The following IL10RB variants were observed in gnomAD, a reference collection of about 807,000 sequenced individuals.
IL10RB encodes the protein interleukin-10 receptor subunit beta.
A neutral mutation model predicts 38.7 loss-of-function variants in IL10RB; 30 were observed. The observed-to-expected ratio is 0.78, with a 90% CI of 0.58 to 1.05. IL10RB has a LOEUF of 1.05. Ranked by LOEUF, IL10RB falls within the 50% of genes least tolerant of loss-of-function variation. The pLI is 0.00. For synonymous variants in IL10RB, 142 were observed against 145.9 expected (o/e 0.97, Z 0.19); for missense variants, 328 against 397.1 (o/e 0.83, Z 1.48).
intron 2 of IL10RB, 70 bp downstream of exon 2, chr21:33,268,587 C>A: frequency 1.8e-6 from 2 of 1,093,152 alleles, no homozygotes; most frequent in Non-Finnish European, 2.8e-6. Flanking sequence ...CTGGGTTGGG[C>A]CACAGGAGGA....
chr21:33,300,656 G>A (rs2834175), downstream of IL10RB, among the ~76,000 whole-genome samples: 33,265 of 152,050 alleles, frequency 0.22, 4,056 homozygotes, highest in Non-Finnish European at 0.27. Context: ...TCCAAAATTC[G>A]TATGTAGAAA....
intron 6 of IL10RB, chr21:33,294,200 G>A: frequency 2.8e-6 from 1 of 353,938 alleles, no homozygotes. Context: ...AGCAGTTCGA[G>A]GTCCTCACAT....
At chr21:33,305,319 A>G (rs1490390589) in intron 1 of IL10RB, among the ~76,000 whole-genome samples, 1 of 151,934 alleles carries the variant, frequency 6.6e-6, no homozygotes, top group Admixed American at 6.6e-5. Context: ...CATGTTGCCC[A>G]GGTAGGTCTC....
intron 4 of IL10RB, among the ~76,000 whole-genome samples, chr21:33,282,096 C>G (rs1183442122): frequency 6.7e-6 from 1 of 149,210 alleles, no homozygotes; most frequent in Non-Finnish European, 1.5e-5. Context: ...TGCTTTTGGT[C>G]TTTTAATTTA....
chr21:33,306,631 C>A (rs1488589079), intron 1 of IL10RB, among the ~76,000 whole-genome samples: 1 of 152,032 alleles, frequency 6.6e-6, no homozygotes, highest in Admixed American at 6.5e-5. Context: ...CCCACTGGGA[C>A]CCAGCGGTCC....
intron 1 of IL10RB, 31 bp downstream of exon 1, chr21:33,266,545 G>A: frequency 6.5e-7 from 1 of 1,538,728 alleles, no homozygotes; most frequent in Non-Finnish European, 8.7e-7. Context: ...GGGCGCGCTT[G>A]GGAACCGGGA....
chr21:33,301,085 C>T (rs1376335830), downstream of IL10RB, among the ~76,000 whole-genome samples: 2 of 152,224 alleles, frequency 1.3e-5, no homozygotes, highest in African/African-American at 4.8e-5. Context: ...TTACTCTTCT[C>T]AGCAAGGGAG....
At position 33,283,235 on chromosome 21, in the gene IL10RB, C is replaced by T. The variant is rs748361469; in HGVS notation, c.640C>T (p.His214Tyr). Reference protein sequence around the residue: ...WSEPVCEQTTHDETVPSWMVA... With the variant: ...WSEPVCEQTTYDETVPSWMVA... Reference sequence around the variant, plus strand: ...TGAGCCTGTCTGTGAGCAAACAACCCATGACGGTAAGCCCTGAGATGCACC... The same window carrying T: ...TGAGCCTGTCTGTGAGCAAACAACCTATGACGGTAAGCCCTGAGATGCACC... Residue 214 changes from histidine to tyrosine, a missense_variant, in exon 5 of 7, where the codon CAT becomes TAT. By Grantham distance (83) the His-to-Tyr change is moderately conservative (BLOSUM62 2). Coordinates refer to ENST00000290200, the MANE Select transcript of IL10RB (RefSeq NM_000628.5). The T allele has an allele frequency of 6.2e-7, 1 of 1,613,722 alleles. No individual in the cohort carries two copies. Among genetic ancestry groups the T allele is most frequent in the Non-Finnish European group, 8.5e-7 (1 of 1,179,998 alleles).
At chr21:33,281,744 C>T (rs2850000) in intron 4 of IL10RB, among the ~76,000 whole-genome samples, 71,961 of 151,996 alleles carry the variant, frequency 0.47, 17,641 homozygotes, top group African/African-American at 0.59. Flanking sequence ...CACCACACCC[C>T]GCTAATTTTT....
chr21:33,289,072 C>T (rs1037003759), intron 6 of IL10RB, among the ~76,000 whole-genome samples: 1 of 152,206 alleles, frequency 6.6e-6, no homozygotes, highest in Non-Finnish European at 1.5e-5. Context: ...TGTGGCCTCT[C>T]GAGCTGGGGT....
rs530462113 is a variant in IL10RB, at chr21:33,281,161, C to A, written c.498+1243C>A. 2.6e-5 allele frequency among the ~76,000 whole-genome samples: 4 copies of A among 152,334 alleles called. No homozygotes were observed. The South Asian group carries it at 8.3e-4, about 32-fold the overall frequency. ...ATGGCATTCAGGAAGGCTCTGCCCT[C>A]ATTATTTAATCACTTCTGAAAACCT... On this transcript the variant is annotated intron_variant, in intron 4 of 6. Coordinates refer to ENST00000290200, the MANE Select transcript of IL10RB (RefSeq NM_000628.5).
chr21:33,300,250 G>T (rs1028595298), downstream of IL10RB, among the ~76,000 whole-genome samples: 2 of 152,104 alleles, frequency 1.3e-5, no homozygotes, highest in African/African-American at 4.8e-5. Flanking sequence ...GACCAGCCTG[G>T]TTAACATGGT....
Position 33,279,903 on chromosome 21 carries a change from C to T in IL10RB, c.483C>T (p.Asn161=), listed in dbSNP as rs61735776. Residue 161 remains asparagine (N), a synonymous_variant, in exon 4 of 7, where the codon AAC becomes AAT. Transcript: ENST00000290200. Reference sequence around the variant, plus strand: ...CTTATAATGTGCAATACTGGAAAAACGGTACTGATGAAAAGGTAAGGTTGG... The same window carrying T: ...CTTATAATGTGCAATACTGGAAAAATGGTACTGATGAAAAGGTAAGGTTGG... ...SWTYNVQYWK[N]GTDEKFQITP... 1.2e-4 allele frequency: 189 copies of T among 1,613,592 alleles called. 2 individuals carry two copies. Among genetic ancestry groups the T allele is most frequent in the Middle Eastern group, 8.3e-4 (5 of 6,058 alleles).
At chr21:33,268,651 C>G (rs895689370) in intron 2 of IL10RB, 134 bp downstream of exon 2, 1 of 746,078 alleles carries the variant, frequency 1.3e-6, no homozygotes, top group Non-Finnish European at 2.5e-6. Context: ...GGGAGCCTCC[C>G]TGCCAGCCTT....
At chr21:33,308,937 T>G (rs539624744) in intron 1 of IL10RB, 1 of 152,368 alleles carries the variant, frequency 6.6e-6, no homozygotes, top group South Asian at 2.1e-4. Context: ...GTACAAAATT[T>G]GCAGTTTTCT....
Position 33,296,380 on chromosome 21 carries a change from G to A in IL10RB, c.*23G>A, listed in dbSNP as rs769497995. On this transcript the variant is annotated 3_prime_UTR_variant, in exon 7 of 7. Transcript: ENST00000290200. The stretch of plus-strand genomic sequence containing the variant: ...TAGGCTCTGAGAAGGAAACACACTC[G>A]GCTGGGCACAGTGACGTACTCCATC... 14 of 1,609,206 alleles carry A rather than the reference G, an allele frequency of 8.7e-6. No homozygotes were observed. In the East Asian group the frequency reaches 2.0e-4, roughly 23 times the overall value.
chr21:33,280,712 G>A (rs898564228), intron 4 of IL10RB, among the ~76,000 whole-genome samples: 2 of 152,134 alleles, frequency 1.3e-5, no homozygotes, highest in African/African-American at 2.4e-5. Context: ...TATATGTTAT[G>A]TATGTCATAT....
intron 2 of IL10RB, among the ~76,000 whole-genome samples, chr21:33,275,320 T>C (rs1360874259): frequency 6.6e-6 from 1 of 152,142 alleles, no homozygotes; most frequent in Non-Finnish European, 1.5e-5. Context: ...CATGCCCGGC[T>C]AATTTTTTTG....
chr21:33,307,237 T>C (rs1338379342), intron 1 of IL10RB, among the ~76,000 whole-genome samples: 1 of 152,202 alleles, frequency 6.6e-6, no homozygotes, highest in Non-Finnish European at 1.5e-5. Flanking sequence ...TGATTCCTAC[T>C]TTATTTACTG....
Sources: allele counts gnomAD v4.1 joint callset (sites outside exome capture counted in the v4.1 genomes callset), GRCh38; gene constraint gnomAD v4.1.1; transcripts MANE v1.5; gene names NCBI Gene and HGNC (gene_info 2026-07-23, HGNC 2026-07-21).